The following BMPR1B variants were observed in gnomAD, a reference collection of about 807,000 sequenced individuals.
BMPR1B encodes the protein bone morphogenetic protein receptor type 1B.
In BMPR1B, 12 loss-of-function variants were observed where a neutral mutation model predicts 59.1. The observed-to-expected ratio is 0.20, with a 90% CI of 0.13 to 0.33. The LOEUF (loss-of-function observed/expected upper bound fraction) is 0.33, where lower values mean the gene tolerates loss of function less well. BMPR1B is among the 10% of genes least tolerant of loss of function. The pLI is 1.00. For synonymous variants in BMPR1B, 237 were observed against 207.3 expected, an observed-to-expected ratio of 1.14 and a Z score of -1.23; for missense variants, 550 against 610.9, an observed-to-expected ratio of 0.90 and a Z score of 1.05.
chr4:95,120,500 A>G (rs1732395659), intron 6 of BMPR1B, among the ~76,000 whole-genome samples: 1 of 152,190 alleles, frequency 6.6e-6, no homozygotes, highest in African/African-American at 2.4e-5. Context: ...ATGATCGTAT[A>G]CTTAGAAAAA....
Position 94,792,972 on chromosome 4 carries a change from A to G in BMPR1B, c.-183+34904A>G, listed in dbSNP as rs192621215. On this transcript the variant is annotated intron_variant, in intron 1 of 12. Coordinates refer to ENST00000515059, the MANE Select transcript of BMPR1B (RefSeq NM_001203.3). ...TCAGAAAAGAGGAAAAATATGGTAT[A>G]ATGATTTTCCAATAGAAGGATCTAT... Among the ~76,000 whole-genome samples, 3 of 151,786 alleles carry G rather than the reference A, an allele frequency of 2.0e-5. No homozygotes were observed. The East Asian group carries it at 5.8e-4, about 29-fold the overall frequency.
intron 2 of BMPR1B, among the ~76,000 whole-genome samples, chr4:94,983,326 C>A (rs994865984): frequency 1.3e-4 from 20 of 152,200 alleles, no homozygotes; most frequent in Middle Eastern, 6.8e-3. Flanking sequence ...AGAGAAGATA[C>A]CTGACACGCT....
At chr4:95,068,289 A>G (rs1201014234) in intron 3 of BMPR1B, among the ~76,000 whole-genome samples, 1 of 152,194 alleles carries the variant, frequency 6.6e-6, no homozygotes, top group African/African-American at 2.4e-5. Flanking sequence ...AGACAAAACT[A>G]TATTATGCTT....
At chr4:94,835,106 G>C (rs558493860) in intron 1 of BMPR1B, among the ~76,000 whole-genome samples, 1 of 151,658 alleles carries the variant, frequency 6.6e-6, no homozygotes, top group South Asian at 2.1e-4. Context: ...TGTATAGAAA[G>C]GTGTAAAGAT....
At chr4:94,913,176 G>A (rs1195971161) in intron 2 of BMPR1B, among the ~76,000 whole-genome samples, 1 of 152,000 alleles carries the variant, frequency 6.6e-6, no homozygotes, top group East Asian at 1.9e-4. Flanking sequence ...ATTTTCAAGT[G>A]GGCAACATAT....
chr4:95,044,207 G>T (rs534799500), intron 3 of BMPR1B, among the ~76,000 whole-genome samples: 1 of 152,136 alleles, frequency 6.6e-6, no homozygotes, highest in Non-Finnish European at 1.5e-5. Flanking sequence ...GTTGCCAGTG[G>T]TAACTATAGA....
intron 3 of BMPR1B, among the ~76,000 whole-genome samples, chr4:95,041,381 G>A (rs577271087): frequency 5.9e-5 from 9 of 152,004 alleles, no homozygotes; most frequent in Non-Finnish European, 5.9e-5. Context: ...CACTTTACAC[G>A]CTTTAGAGGA....
intron 2 of BMPR1B, among the ~76,000 whole-genome samples, chr4:94,903,610 G>A (rs1727916162): frequency 6.6e-6 from 1 of 151,684 alleles, no homozygotes; most frequent in Admixed American, 6.6e-5. Flanking sequence ...CAGATGCTTA[G>A]TGTTATGGGC....
At chr4:95,119,405 G>C (rs976741130) in intron 6 of BMPR1B, among the ~76,000 whole-genome samples, 1 of 152,136 alleles carries the variant, frequency 6.6e-6, no homozygotes, top group African/African-American at 2.4e-5. Flanking sequence ...CTAAGAGAGG[G>C]AGGAATGGAG....
intron 3 of BMPR1B, among the ~76,000 whole-genome samples, chr4:95,004,593 A>G (rs1400279244): frequency 6.6e-6 from 1 of 152,172 alleles, no homozygotes; most frequent in Non-Finnish European, 1.5e-5. Context: ...GGTTTTATAT[A>G]TTCCTCAGGT....
At chr4:95,126,580 A>T (rs1179868447) in intron 8 of BMPR1B, among the ~76,000 whole-genome samples, 2 of 152,176 alleles carry the variant, frequency 1.3e-5, no homozygotes, top group Admixed American at 1.3e-4. Flanking sequence ...TCAGCTAGCT[A>T]GTACGTGGAG....
chr4:95,093,910 A>G (rs1730182558), intron 3 of BMPR1B, among the ~76,000 whole-genome samples: 1 of 151,992 alleles, frequency 6.6e-6, no homozygotes, highest in Non-Finnish European at 1.5e-5. Flanking sequence ...AACTGGCAAT[A>G]TCCCTGGTTT....
At chr4:95,007,430 CA>C (rs1305190992) in intron 3 of BMPR1B, among the ~76,000 whole-genome samples, 1 of 152,094 alleles carries the variant, frequency 6.6e-6, no homozygotes, top group East Asian at 1.9e-4. Flanking sequence ...ATATTCAAAA[CA>C]AATTCTATTT....
intron 2 of BMPR1B, among the ~76,000 whole-genome samples, chr4:94,956,469 T>G (rs1730145358): frequency 6.6e-6 from 1 of 152,202 alleles, no homozygotes; most frequent in African/African-American, 2.4e-5. Context: ...ATTTTAACCT[T>G]CTTTTTTAAT....
At position 95,156,395 on chromosome 4, in the gene BMPR1B, T is replaced by A. The variant is rs932589566; in HGVS notation, c.*1722T>A. ...TTTATAACACATTTTCCCCACTGGG[T>A]GATTGAAGGATGGAGGATTTTTGAA... is the stretch of plus-strand genomic sequence containing the variant. On this transcript the variant is annotated 3_prime_UTR_variant, in exon 13 of 13. Transcript: ENST00000515059. 6.0e-5 allele frequency: 9 copies of A among 150,612 alleles called. No homozygotes were observed. The highest frequency in any genetic ancestry group is 1.0e-4 in the Non-Finnish European group (7 of 67,744). 9.3% of individuals were successfully genotyped at this position (150,612 alleles called of 1,614,324 possible).
At chr4:95,142,042 A>C (rs1007357108) in intron 10 of BMPR1B, among the ~76,000 whole-genome samples, 1 of 152,236 alleles carries the variant, frequency 6.6e-6, no homozygotes, top group East Asian at 1.9e-4. Flanking sequence ...GAACACTCCC[A>C]GTCAAGGTTT....
chr4:94,968,950 A>G (rs952964780), intron 2 of BMPR1B, among the ~76,000 whole-genome samples: 1 of 152,146 alleles, frequency 6.6e-6, no homozygotes, highest in Admixed American at 6.5e-5. Context: ...TCTATTCACA[A>G]TTCCCAGCTT....
At chr4:94,987,126 A>G (rs1348016397) in intron 2 of BMPR1B, among the ~76,000 whole-genome samples, 3 of 144,316 alleles carry the variant, frequency 2.1e-5, no homozygotes, top group African/African-American at 7.6e-5. Flanking sequence ...ATATGTATAT[A>G]TGTATATGTA....
At chr4:94,891,267 C>T (rs2148990321) in intron 2 of BMPR1B, among the ~76,000 whole-genome samples, 1 of 152,136 alleles carries the variant, frequency 6.6e-6, no homozygotes, top group African/African-American at 2.4e-5. Context: ...AGCAATAAAA[C>T]TTGGTTCTAT....
Sources: gnomAD v4.1 joint callset for allele counts (sites outside exome capture counted in the v4.1 genomes callset) on GRCh38, gnomAD v4.1.1 for gene constraint, MANE v1.5 for transcripts, NCBI Gene and HGNC (gene_info 2026-07-23, HGNC 2026-07-21) for gene names.